The following HDAC8 variants were observed in gnomAD, a reference collection of about 807,000 sequenced individuals.
The protein encoded by HDAC8 is histone deacetylase-like 1.
Under a neutral mutation model 32.2 loss-of-function variants are expected in HDAC8, and 1 was observed. That is an observed-to-expected ratio of 0.03 (90% CI 0.01 to 0.15). HDAC8 has a LOEUF of 0.15. Ranked by LOEUF, HDAC8 falls within the 10% of genes least tolerant of loss-of-function variation. The pLI is 1.00. For synonymous variants in HDAC8, 108 were observed against 113.9 expected (o/e 0.95, Z 0.33); for missense variants, 117 against 300.0 (o/e 0.39, Z 4.51).
intron 4 of HDAC8, among the ~76,000 whole-genome samples, chrX:72,535,837 G>T (rs928499954): frequency 9.0e-6 from 1 of 111,601 alleles, no homozygotes; most frequent in Non-Finnish European, 1.9e-5. Flanking sequence ...TATAAATTTG[G>T]TAACGGCACA....
At chrX:72,415,854 G>C (rs1016275953) in intron 9 of HDAC8, among the ~76,000 whole-genome samples, 14 of 111,630 alleles carry the variant, frequency 1.3e-4, no homozygotes, top group African/African-American at 4.5e-4. Flanking sequence ...TACATTCCTT[G>C]AGATTTTCTA....
intron 9 of HDAC8, among the ~76,000 whole-genome samples, chrX:72,391,756 T>A (rs1409618013): frequency 9.0e-6 from 1 of 111,423 alleles, no homozygotes; most frequent in East Asian, 2.8e-4. Flanking sequence ...TTCTACCCTC[T>A]CTTTAAGAAA....
intron 9 of HDAC8, among the ~76,000 whole-genome samples, chrX:72,421,995 C>T (rs782523525): frequency 1.8e-5 from 2 of 111,981 alleles, no homozygotes; most frequent in African/African-American, 6.5e-5. Context: ...ATTCTGGCCT[C>T]CATGGTCTCA....
intron 4 of HDAC8, among the ~76,000 whole-genome samples, chrX:72,507,188 T>C (rs1455107424): frequency 9.0e-6 from 1 of 111,299 alleles, no homozygotes; most frequent in Admixed American, 9.6e-5. Flanking sequence ...TCTTTTAATA[T>C]GCCTAATTTC....
chrX:72,476,371 C>CA (rs1447773207), intron 7 of HDAC8, among the ~76,000 whole-genome samples: 14 of 110,495 alleles, frequency 1.3e-4, no homozygotes, highest in South Asian at 7.8e-4. Flanking sequence ...AGCTGAAAAA[C>CA]AAAAAATGGA....
intron 7 of HDAC8, 58 bp from the exon 8 acceptor site, chrX:72,464,789 G>A: frequency 1.2e-6 from 1 of 839,316 alleles, no homozygotes; most frequent in Non-Finnish European, 1.8e-6. Context: ...GGTAGTGGTG[G>A]TGGTAGGGCA....
At chrX:72,482,055 C>G (rs1225618139) in intron 7 of HDAC8, among the ~76,000 whole-genome samples, 4 of 111,650 alleles carry the variant, frequency 3.6e-5, no homozygotes, top group African/African-American at 1.3e-4. Flanking sequence ...TGAAAGGAAA[C>G]ACTTCCCTTA....
chrX:72,381,531 C>T (rs2045266907), intron 9 of HDAC8, among the ~76,000 whole-genome samples: 1 of 111,956 alleles, frequency 8.9e-6, no homozygotes, highest in South Asian at 3.8e-4. Flanking sequence ...CAACCAGGCA[C>T]TGGATTGCTC....
intron 9 of HDAC8, among the ~76,000 whole-genome samples, chrX:72,413,455 A>G (rs1274050160): frequency 1.8e-5 from 2 of 110,657 alleles, no homozygotes; most frequent in African/African-American, 6.6e-5. Flanking sequence ...AAGCTGTGTA[A>G]CTGGTTTCTT....
chrX:72,502,965 A>T (rs1014119400), intron 4 of HDAC8, among the ~76,000 whole-genome samples: 2 of 111,837 alleles, frequency 1.8e-5, no homozygotes, highest in East Asian at 2.8e-4. Context: ...GTCAAAAAAA[A>T]TTTTTGGATT....
At chrX:72,537,041 T>A (rs912668912) in intron 4 of HDAC8, among the ~76,000 whole-genome samples, 2 of 111,832 alleles carry the variant, frequency 1.8e-5, no homozygotes, top group Non-Finnish European at 3.8e-5. Flanking sequence ...AATATGCTTT[T>A]GAAGAGCTGG....
intron 7 of HDAC8, among the ~76,000 whole-genome samples, chrX:72,488,345 C>G (rs1295374847): frequency 9.0e-6 from 1 of 110,657 alleles, no homozygotes; most frequent in South Asian, 3.9e-4. Flanking sequence ...TTTAACACAA[C>G]CCCCCACCCC....
intron 9 of HDAC8, among the ~76,000 whole-genome samples, chrX:72,364,703 T>C (rs1454534602): frequency 3.6e-5 from 4 of 111,346 alleles, no homozygotes; most frequent in African/African-American, 1.3e-4. Flanking sequence ...ATCCTGAACG[T>C]TCCTGATTTC....
At chrX:72,423,052 C>T (rs1474021628) in intron 9 of HDAC8, among the ~76,000 whole-genome samples, 3 of 110,979 alleles carry the variant, frequency 2.7e-5, no homozygotes, top group Admixed American at 1.9e-4. Context: ...CACATGTACC[C>T]CTGAACTTAA....
chrX:72,339,048 G>C (rs781867408), intron 10 of HDAC8, among the ~76,000 whole-genome samples: 34 of 111,484 alleles, frequency 3.0e-4, no homozygotes, highest in Non-Finnish European at 5.3e-4. Context: ...AAATGTCTTT[G>C]TGTCACCTCA....
chrX:72,366,168 G>T (rs1247104896), intron 9 of HDAC8, among the ~76,000 whole-genome samples: 1 of 111,990 alleles, frequency 8.9e-6, no homozygotes, highest in African/African-American at 3.2e-5. Context: ...CTCCCTTCCT[G>T]AGCTTTCCAT....
At chrX:72,427,606 G>C (rs1173589669) in intron 9 of HDAC8, among the ~76,000 whole-genome samples, 5 of 86,979 alleles carry the variant, frequency 5.7e-5, no homozygotes, top group East Asian at 3.3e-4. Flanking sequence ...GTGGGGTGGG[G>C]GGGGGGAGGG....
intron 4 of HDAC8, among the ~76,000 whole-genome samples, chrX:72,496,921 G>A (rs2049043006): frequency 8.9e-6 from 1 of 111,811 alleles, no homozygotes; most frequent in South Asian, 3.8e-4. Context: ...AGATTTACCT[G>A]AGCCCTGTGC....
intron 4 of HDAC8, chrX:72,567,645 A>C: frequency 1.1e-6 from 1 of 911,776 alleles, no homozygotes; most frequent in Non-Finnish European, 1.6e-6. Flanking sequence ...TAATCAGTCC[A>C]AGTCAGTTAG....
Sources: allele counts gnomAD v4.1 joint callset (sites outside exome capture counted in the v4.1 genomes callset), GRCh38; gene constraint gnomAD v4.1.1; transcripts MANE v1.5; gene names NCBI Gene and HGNC (gene_info 2026-07-23, HGNC 2026-07-21).